Variants in NTM observed in about 807,000 individuals in gnomAD.
The protein encoded by NTM is IgLON family member 2.
NTM carries 13 observed loss-of-function variants against 42.1 expected under a neutral mutation model. The ratio of observed to expected loss-of-function variants is 0.31; its 90% CI spans 0.20 to 0.49. The LOEUF (loss-of-function observed/expected upper bound fraction) is 0.49, where lower values mean the gene tolerates loss of function less well. Ranked by LOEUF, NTM falls within the 20% of genes least tolerant of loss-of-function variation. NTM has a pLI of 0.99. For synonymous variants in NTM, 187 were observed against 179.2 expected, an observed-to-expected ratio of 1.04 and a Z score of -0.35; for missense variants, 373 against 452.8, an observed-to-expected ratio of 0.82 and a Z score of 1.60.
intron 1 of NTM, among the ~76,000 whole-genome samples, chr11:131,614,230 G>T (rs961824815): frequency 6.6e-6 from 1 of 152,132 alleles, no homozygotes; most frequent in South Asian, 2.1e-4. Context: ...GACCGTGAGC[G>T]CAGTGGACAG....
chr11:131,777,438 C>T (rs1527782), intron 1 of NTM, among the ~76,000 whole-genome samples: 36,963 of 98,440 alleles, frequency 0.38, 6,013 homozygotes, highest in Middle Eastern at 0.54. Context: ...AGTACATCCC[C>T]CCCACCCCCC....
chr11:132,269,019 C>T (rs1209466132), intron 4 of NTM, among the ~76,000 whole-genome samples: 1 of 151,854 alleles, frequency 6.6e-6, no homozygotes, highest in Non-Finnish European at 1.5e-5. Context: ...CCCTGCATTC[C>T]AAAGCAAGAG....
chr11:131,592,911 T>G (rs1447086179), intron 1 of NTM, among the ~76,000 whole-genome samples: 2 of 152,068 alleles, frequency 1.3e-5, no homozygotes, highest in Non-Finnish European at 2.9e-5. Flanking sequence ...CCTGCCAATC[T>G]CCGGCCACGT....
At chr11:132,052,397 C>T (rs1439244367) in intron 2 of NTM, among the ~76,000 whole-genome samples, 1 of 152,110 alleles carries the variant, frequency 6.6e-6, no homozygotes, top group Non-Finnish European at 1.5e-5. Flanking sequence ...GTACCACTAC[C>T]CACCACTCTT....
intron 1 of NTM, among the ~76,000 whole-genome samples, chr11:131,461,067 T>C (rs1951328593): frequency 6.6e-6 from 1 of 152,208 alleles, no homozygotes; most frequent in South Asian, 2.1e-4. Flanking sequence ...CCTCTGGATG[T>C]TTTCAAGTAT....
intron 1 of NTM, among the ~76,000 whole-genome samples, chr11:131,812,245 C>T (rs114199067): frequency 0.026 from 3,114 of 121,896 alleles, 110 homozygotes; most frequent in African/African-American, 0.074. Context: ...TCTCATTCTC[C>T]CCCTTATTTT....
intron 2 of NTM, among the ~76,000 whole-genome samples, chr11:132,034,041 G>A (rs1254864760): frequency 6.6e-6 from 1 of 152,174 alleles, no homozygotes; most frequent in African/African-American, 2.4e-5. Flanking sequence ...TGGTCTTATA[G>A]TTAACTTGGA....
At chr11:132,064,901 C>A (rs190458961) in intron 2 of NTM, among the ~76,000 whole-genome samples, 33 of 152,290 alleles carry the variant, frequency 2.2e-4, no homozygotes, top group Non-Finnish European at 3.5e-4. Context: ...GAACATGATT[C>A]ATTTTACCCG....
intron 2 of NTM, among the ~76,000 whole-genome samples, chr11:131,990,065 T>C (rs764779203): frequency 2.2e-4 from 34 of 152,130 alleles, no homozygotes; most frequent in Non-Finnish European, 4.3e-4. Flanking sequence ...GAGGAATCAG[T>C]CTTATTGATT....
chr11:131,404,208 C>T (rs1008757750), intron 1 of NTM, among the ~76,000 whole-genome samples: 3 of 152,158 alleles, frequency 2.0e-5, no homozygotes, highest in East Asian at 3.8e-4. Context: ...TCCAGCCTGG[C>T]GTTGGTCCAC....
intron 2 of NTM, among the ~76,000 whole-genome samples, chr11:131,932,534 C>T (rs1252850922): frequency 2.6e-5 from 4 of 152,126 alleles, no homozygotes; most frequent in African/African-American, 9.7e-5. Context: ...TGTTGATCTT[C>T]ATTTATCACC....
At chr11:131,803,681 C>T (rs942963664) in intron 1 of NTM, among the ~76,000 whole-genome samples, 9 of 152,204 alleles carry the variant, frequency 5.9e-5, no homozygotes, top group Admixed American at 4.6e-4. Context: ...GCAGCACTTG[C>T]TCCCAGCCAC....
chr11:132,259,824 A>G (rs1021720656), intron 4 of NTM, among the ~76,000 whole-genome samples: 1 of 151,988 alleles, frequency 6.6e-6, no homozygotes, highest in African/African-American at 2.4e-5. Context: ...AGCTTGGCTC[A>G]CTGCAAACTC....
At chr11:131,424,726 A>ATT (rs71475756) in intron 1 of NTM, among the ~76,000 whole-genome samples, 19,235 of 121,960 alleles carry the variant, frequency 0.16, 1,703 homozygotes, top group Non-Finnish European at 0.18. Flanking sequence ...TGCCTGGCTA[A>ATT]TTTTTTTTTT....
At chr11:131,572,879 G>A (rs2057579997) in intron 1 of NTM, among the ~76,000 whole-genome samples, 1 of 152,186 alleles carries the variant, frequency 6.6e-6, no homozygotes, top group Admixed American at 6.5e-5. Context: ...GAGTGAGAAC[G>A]GGTTCCTGGC....
intron 1 of NTM, among the ~76,000 whole-genome samples, chr11:131,641,656 G>A (rs1265387811): frequency 6.6e-6 from 1 of 152,142 alleles, no homozygotes. Flanking sequence ...AATTGGCAGT[G>A]GCCACAAAAG....
At chr11:132,324,965 A>G (rs868328661) in intron 7 of NTM, among the ~76,000 whole-genome samples, 4,397 of 151,830 alleles carry the variant, frequency 0.029, 237 homozygotes, top group African/African-American at 0.1. Flanking sequence ...CTGGCTAGCC[A>G]TAAGTAGAAA....
intron 2 of NTM, among the ~76,000 whole-genome samples, chr11:131,974,284 CAAAT>C (rs2063988541): frequency 6.6e-6 from 1 of 152,060 alleles, no homozygotes; most frequent in African/African-American, 2.4e-5. Flanking sequence ...CATCTGTGTT[CAAAT>C]GAATGAATGA....
At chr11:131,444,185 G>A (rs937803416) in intron 1 of NTM, among the ~76,000 whole-genome samples, 1 of 123,204 alleles carries the variant, frequency 8.1e-6, no homozygotes, top group Non-Finnish European at 1.6e-5. Context: ...ATGCTCAACA[G>A]TGGCTAAAGG....
Sources: allele counts gnomAD v4.1 joint callset (sites outside exome capture counted in the v4.1 genomes callset), GRCh38; gene constraint gnomAD v4.1.1; transcripts MANE v1.5; gene names NCBI Gene and HGNC (gene_info 2026-07-23, HGNC 2026-07-21).